Variants in GABRG3 observed in about 807,000 individuals in gnomAD.
GABRG3 encodes the protein gamma-aminobutyric acid type A receptor subunit gamma3, also known as gamma-aminobutyric acid receptor subunit gamma-3.
A neutral mutation model predicts 48.8 loss-of-function variants in GABRG3; 25 were observed. The ratio of observed to expected loss-of-function variants is 0.51; its 90% CI spans 0.37 to 0.72. The LOEUF is 0.72. Ranked by LOEUF, GABRG3 falls within the 30% of genes least tolerant of loss-of-function variation. GABRG3 has a pLI of 0.00. For missense variants in GABRG3, 394 were observed against 577.9 expected, an observed-to-expected ratio of 0.68 and a Z score of 3.26; for synonymous variants, 227 against 217.6, an observed-to-expected ratio of 1.04 and a Z score of -0.38.
chr15:27,532,978 A>T lies in GABRG3; in HGVS notation c.*97A>T. 8.8e-7 allele frequency: 1 copy of T among 1,133,256 alleles called. No individual in the cohort carries two copies. Among genetic ancestry groups the T allele is most frequent in the South Asian group, 1.5e-5 (1 of 65,326 alleles). 70.2% of individuals were successfully genotyped at this position (1,133,256 alleles called of 1,614,324 possible). ...GACCAATCGGGAGTAGCAAGGAAGG[A>T]CACTGCCCAGTGTATCTTGTTATAA... On this transcript the variant is annotated 3_prime_UTR_variant, in exon 10 of 10. Transcript: ENST00000615808.
Position 27,394,171 on chromosome 15 carries a change from C to G in GABRG3, c.574+65283C>G, listed in dbSNP as rs547535835. Among the ~76,000 whole-genome samples, 3 of 152,248 alleles carry G rather than the reference C, an allele frequency of 2.0e-5. No individual in the cohort carries two copies. In the South Asian group the frequency reaches 6.2e-4, roughly 32 times the overall value. On this transcript the variant is annotated intron_variant, in intron 5 of 9. Coordinates refer to ENST00000615808, the MANE Select transcript of GABRG3 (RefSeq NM_033223.5). The stretch of plus-strand genomic sequence containing the variant: ...TCTTAGGTCATTTTTGTTCCTCTCA[C>G]TGCCTTCTTGTGTATTAAATATGTG...
intron 6 of GABRG3, among the ~76,000 whole-genome samples, chr15:27,516,680 A>C (rs1348011701): frequency 6.6e-6 from 1 of 152,220 alleles, no homozygotes; most frequent in Non-Finnish European, 1.5e-5. Context: ...GAGAGCAAAT[A>C]AATGCATGTC....
chr15:27,096,304 A>G (rs1897264900), intron 3 of GABRG3, among the ~76,000 whole-genome samples: 1 of 152,232 alleles, frequency 6.6e-6, no homozygotes, highest in Non-Finnish European at 1.5e-5. Flanking sequence ...CTTCAGGAGC[A>G]TCTAGTGCAG....
At chr15:27,121,560 T>C (rs1288258121) in intron 3 of GABRG3, among the ~76,000 whole-genome samples, 1 of 152,234 alleles carries the variant, frequency 6.6e-6, no homozygotes, top group East Asian at 1.9e-4. Flanking sequence ...TGCCTGGGGC[T>C]GTTCAGCCAG....
At chr15:27,089,957 A>G (rs1332675921) in intron 3 of GABRG3, among the ~76,000 whole-genome samples, 2 of 152,186 alleles carry the variant, frequency 1.3e-5, no homozygotes, top group African/African-American at 2.4e-5. Flanking sequence ...GTTGATGGGC[A>G]TTTTAGTTGT....
At chr15:26,989,610 GTTTT>G (rs138190900) in intron 2 of GABRG3, among the ~76,000 whole-genome samples, 5,583 of 152,092 alleles carry the variant, frequency 0.037, 180 homozygotes, top group East Asian at 0.18. Flanking sequence ...TGCCTCAAGT[GTTTT>G]TTTATGTTAC....
chr15:27,532,454 C>G, intron 9 of GABRG3, 146 bp from the exon 10 acceptor site: 1 of 326,694 alleles, frequency 3.1e-6, no homozygotes, highest in African/African-American at 2.9e-5. Context: ...AAAAGACCAA[C>G]TCTCTCCAGC....
chr15:27,386,983 A>G (rs1262803942), intron 5 of GABRG3, among the ~76,000 whole-genome samples: 3 of 152,192 alleles, frequency 2.0e-5, no homozygotes, highest in African/African-American at 7.2e-5. Flanking sequence ...TGTGCATATA[A>G]AAGTTGCTCT....
chr15:27,264,425 T>G (rs1284847332), intron 3 of GABRG3, among the ~76,000 whole-genome samples: 1 of 152,070 alleles, frequency 6.6e-6, no homozygotes, highest in Non-Finnish European at 1.5e-5. Flanking sequence ...ACTGCCTTAT[T>G]TACATTGTAC....
intron 3 of GABRG3, among the ~76,000 whole-genome samples, chr15:27,246,733 A>G (rs17137725): frequency 0.066 from 10,059 of 152,216 alleles, 676 homozygotes; most frequent in African/African-American, 0.18. Context: ...TTGGATAAAT[A>G]TTGTGGTTAT....
chr15:26,971,363 T>C lies in GABRG3; in HGVS notation c.-173T>C, dbSNP rs969276743. 5 of 396,766 alleles carry C rather than the reference T, an allele frequency of 1.3e-5. No individual in the cohort carries two copies. The highest frequency in any genetic ancestry group is 1.1e-4 in the African/African-American group (5 of 47,482). The allele number at this position is 396,766 out of a possible 1,614,324, so 24.6% of individuals were successfully genotyped here. On this transcript the variant is annotated 5_prime_UTR_variant, in exon 1 of 10. Transcript: ENST00000615808. ...GGCCCGGCGTCCCGTGTGCGTCCAG[T>C]GTGCGCCCCGCGGGGGCGCGGCCAG...
At chr15:27,058,365 G>A (rs1192376052) in intron 3 of GABRG3, among the ~76,000 whole-genome samples, 2 of 152,194 alleles carry the variant, frequency 1.3e-5, no homozygotes, top group Admixed American at 1.3e-4. Context: ...CAGTTTAGAC[G>A]AGGGTAAAGA....
rs1894935427 is a variant in GABRG3, at chr15:26,976,011, A to G, written c.54-991A>G. Among the ~76,000 whole-genome samples the G allele has an allele frequency of 6.6e-6, 1 of 152,218 alleles. No homozygotes were observed. Among genetic ancestry groups the G allele is most frequent in the South Asian group, 2.1e-4 (1 of 4,832 alleles). On this transcript the variant is annotated intron_variant, in intron 1 of 9. Transcript: ENST00000615808. This position sits in a 1 kb window ranked among gnomAD's most constrained non-coding sequence, Gnocchi z 7.8. ...GAGACTGTCTGCTCTCCAAGCCCAA[A>G]TAACTATGGTGTTGAGACGGCCTCA...
chr15:27,523,150 T>G (rs1451538309), intron 7 of GABRG3, among the ~76,000 whole-genome samples: 1 of 151,876 alleles, frequency 6.6e-6, no homozygotes, highest in Non-Finnish European at 1.5e-5. Context: ...AGGATTATAT[T>G]AGATTAGATA....
At chr15:27,523,913 C>T (rs1203206499) in intron 7 of GABRG3, among the ~76,000 whole-genome samples, 1 of 152,050 alleles carries the variant, frequency 6.6e-6, no homozygotes, top group Non-Finnish European at 1.5e-5. Flanking sequence ...AATGATCCAA[C>T]ATTTGTGTCA....
intron 5 of GABRG3, among the ~76,000 whole-genome samples, chr15:27,458,567 C>G (rs1276000225): frequency 1.3e-5 from 2 of 152,160 alleles, no homozygotes; most frequent in African/African-American, 4.8e-5. Flanking sequence ...ATCTCATTAT[C>G]CAGCTGAGAG....
chr15:27,429,593 C>T (rs192108486), intron 5 of GABRG3, among the ~76,000 whole-genome samples: 1 of 152,312 alleles, frequency 6.6e-6, no homozygotes. Flanking sequence ...TCTCTTTCCC[C>T]AGATCCTGGC....
At chr15:27,183,469 A>G (rs1595571326) in intron 3 of GABRG3, among the ~76,000 whole-genome samples, 1 of 152,196 alleles carries the variant, frequency 6.6e-6, no homozygotes, top group Admixed American at 6.5e-5. Flanking sequence ...CCATGATTTC[A>G]TCCACCACAC....
At chr15:27,028,709 G>A (rs971208519) in intron 3 of GABRG3, among the ~76,000 whole-genome samples, 18 of 151,596 alleles carry the variant, frequency 1.2e-4, no homozygotes, top group African/African-American at 4.4e-4. Flanking sequence ...GAGAGGCTGA[G>A]GCAGAAGAAT....
Sources: allele counts gnomAD v4.1 joint callset (sites outside exome capture counted in the v4.1 genomes callset), GRCh38; gene constraint gnomAD v4.1.1; non-coding constraint Gnocchi (gnomAD v3.1); transcripts MANE v1.5; gene names NCBI Gene and HGNC (gene_info 2026-07-23, HGNC 2026-07-21).